The following DST variants were observed in gnomAD, a reference collection of about 807,000 sequenced individuals.
DST encodes the protein bullous pemphigoid antigen.
DST carries 253 observed loss-of-function variants against 875.2 expected under a neutral mutation model. The ratio of observed to expected loss-of-function variants is 0.29; its 90% CI spans 0.26 to 0.32. The LOEUF (loss-of-function observed/expected upper bound fraction) is 0.32, where lower values mean the gene tolerates loss of function less well. Ranked by LOEUF, DST falls within the 10% of genes least tolerant of loss-of-function variation. The pLI is 1.00. For synonymous variants in DST, 3,124 were observed against 3,197.1 expected, an observed-to-expected ratio of 0.98 and a Z score of 0.77; for missense variants, 8,287 against 9,111.6, an observed-to-expected ratio of 0.91 and a Z score of 3.68.
chr6:56,944,822 A>G (rs1357371341), intron 2 of DST, among the ~76,000 whole-genome samples: 1 of 152,246 alleles, frequency 6.6e-6, no homozygotes, highest in African/African-American at 2.4e-5. Flanking sequence ...AGCCTCCTTT[A>G]TAGTGACAGA....
intron 36 of DST, chr6:56,619,205 C>G (rs1310203463): frequency 6.2e-7 from 1 of 1,613,920 alleles, no homozygotes; most frequent in African/African-American, 1.3e-5. Flanking sequence ...TGCTTCACAT[C>G]TTTGCTGGAT....
At chr6:56,676,191 C>T (rs528948670) in intron 9 of DST, among the ~76,000 whole-genome samples, 8 of 152,264 alleles carry the variant, frequency 5.3e-5, no homozygotes, top group Middle Eastern at 3.4e-3. Context: ...CTTAGCCTCC[C>T]GAGTAACTGG....
intron 2 of DST, among the ~76,000 whole-genome samples, chr6:56,910,633 T>A (rs1798449721): frequency 6.6e-6 from 1 of 152,088 alleles, no homozygotes; most frequent in South Asian, 2.1e-4. Flanking sequence ...TACAGGCATA[T>A]ACCACCACAC....
In DST at chr6:56,604,305, C is replaced by T; in HGVS notation, c.10323G>A (p.Lys3441=). The T allele has an allele frequency of 6.2e-7, 1 of 1,612,364 alleles. No individual in the cohort carries two copies. Among genetic ancestry groups the T allele is most frequent in the Non-Finnish European group, 8.5e-7 (1 of 1,179,060 alleles). The change falls in exon 40 of 104, where the codon AAG becomes AAA. Residue 3441 remains lysine (K), a synonymous_variant. Transcript: ENST00000680361. ...RDDPFCIGNL[K]SELLLNILKQ... Reference sequence around the variant, plus strand: ...TCAATATATTAAGGAGAAGCTCAGACTTAAGATTTCCAATACAGAAAGGAT... The same window carrying T: ...TCAATATATTAAGGAGAAGCTCAGATTTAAGATTTCCAATACAGAAAGGAT...
chr6:56,607,290 G>A lies in DST; in HGVS notation c.7338C>T (p.His2446=), dbSNP rs781657375. 14 of 1,613,304 alleles carry A rather than the reference G, an allele frequency of 8.7e-6. No individual in the cohort carries two copies. Among genetic ancestry groups the A allele is most frequent in the Middle Eastern group, 1.6e-4 (1 of 6,080 alleles). ...SALLSHDKLM[H]SQGSFNDTHT... ...GTGTATCATTAAAACTTCCCTGACT[G>A]TGCATCAATTTATCATGACTTAACA... The change falls in exon 40 of 104, where the codon CAC becomes CAT. Residue 2446 remains histidine, a synonymous_variant. Transcript: ENST00000680361.
intron 9 of DST, among the ~76,000 whole-genome samples, chr6:56,681,190 G>A (rs2099155657): frequency 6.6e-6 from 1 of 152,018 alleles, no homozygotes; most frequent in Non-Finnish European, 1.5e-5. Context: ...CTCAGAGAAT[G>A]GCCCCACCAT....
chr6:56,535,533 G>A (rs573153675), intron 62 of DST, among the ~76,000 whole-genome samples: 2 of 152,090 alleles, frequency 1.3e-5, no homozygotes, highest in Non-Finnish European at 2.9e-5. Flanking sequence ...ACTCAATCTT[G>A]GAGGTTTTTG....
Position 56,611,587 on chromosome 6 carries a change from C to T in DST, c.5068G>A (p.Glu1690Lys), listed in dbSNP as rs764691937. The T allele has an allele frequency of 1.9e-6, 3 of 1,609,774 alleles. No homozygotes were observed. Among genetic ancestry groups the T allele is most frequent in the Non-Finnish European group, 2.5e-6 (3 of 1,176,730 alleles). The change falls in exon 38 of 104, where the codon GAG becomes AAG. Residue 1690 changes from glutamate to lysine, a missense_variant. Coordinates refer to ENST00000680361, the MANE Select transcript of DST (RefSeq NM_001374736.1). ...PPFSKQKISS[E>K]EISTKKEQLS... ...TGTTCCTTCTTGGTTGATATTTCCT[C>T]ACTGGAAATCTGTAAGGTAAAGAAG...
chr6:56,685,760 A>C (rs1336030073), intron 9 of DST, among the ~76,000 whole-genome samples: 1 of 152,154 alleles, frequency 6.6e-6, no homozygotes, highest in Non-Finnish European at 1.5e-5. Flanking sequence ...AAAAAAAATA[A>C]AAATCAAAAT....
chr6:56,491,746 C>CA (rs563271923), intron 85 of DST, among the ~76,000 whole-genome samples: 14 of 152,164 alleles, frequency 9.2e-5, no homozygotes, highest in Non-Finnish European at 1.6e-4. Flanking sequence ...CCAACTCAGA[C>CA]AGAGAATATG....
chr6:56,606,781 G>A lies in DST; in HGVS notation c.7847C>T (p.Pro2616Leu). The A allele has an allele frequency of 6.2e-7, 1 of 1,613,182 alleles. No individual in the cohort carries two copies. The highest frequency in any genetic ancestry group is 1.3e-5 in the African/African-American group (1 of 74,972). ...TDSDDDFYDT[P>L]LFEDDDHDSL... ...ATCATGGTCATCATCTTCAAACAAG[G>A]GAGTATCATAAAAATCATCATCACT... Residue 2616 changes from proline (P) to leucine (L), a missense_variant, in exon 40 of 104, where the codon CCC (proline) becomes CTC (leucine). This residue lies in a region of DST where 3,138 missense variants were observed against 3,116.6 expected (regional missense o/e 1.01). Transcript: ENST00000680361.
chr6:56,819,779 T>C (rs62411399), intron 4 of DST, among the ~76,000 whole-genome samples: 17 of 152,216 alleles, frequency 1.1e-4, no homozygotes, highest in Non-Finnish European at 1.8e-4. Context: ...ACACTGTCCT[T>C]GCCTTCAATG....
intron 2 of DST, among the ~76,000 whole-genome samples, chr6:56,924,513 G>T (rs1599281): frequency 0.19 from 29,328 of 152,024 alleles, 3,018 homozygotes; most frequent in Middle Eastern, 0.25. Context: ...CTGAGGACAG[G>T]TTTAATATGC....
Position 56,605,422 on chromosome 6 carries a change from T to C in DST, c.9206A>G (p.Glu3069Gly). 6.2e-7 allele frequency: 1 copy of C among 1,612,924 alleles called. No homozygotes were observed. The highest frequency in any genetic ancestry group is 1.1e-5 in the South Asian group (1 of 91,042). The change falls in exon 40 of 104, where the codon GAA becomes GGA. Residue 3069 changes from glutamate to glycine, a missense_variant. Transcript: ENST00000680361. ...AGGCAAAAGTTTGAGATGCCTATTT[T>C]CTTCTTCTACTAGACCTTCTACAAG... Reference protein sequence around the residue: ...EVLVEGLVEEENRHLKLLPGK... With the variant: ...EVLVEGLVEEGNRHLKLLPGK...
intron 4 of DST, among the ~76,000 whole-genome samples, chr6:56,806,967 A>T (rs1460792478): frequency 6.6e-6 from 1 of 152,214 alleles, no homozygotes. Context: ...ACCTATAAAG[A>T]TGGCTGAGAG....
chr6:56,670,750 G>A lies in DST; in HGVS notation c.1105C>T (p.Leu369=). The part of the protein sequence containing the change: ...SEDMSAKERL[L]LWTQQATEGY... ...TCTGTTGCCTGCTGCGTCCAGAGTA[G>A]CAATCTCTCTTTTGCAGACATATCC... The change falls in exon 10 of 104, where the codon CTA becomes TTA. Residue 369 remains leucine (L), a synonymous_variant. Transcript: ENST00000680361. 1.9e-6 allele frequency: 3 copies of A among 1,609,946 alleles called. No individual in the cohort carries two copies. The highest frequency in any genetic ancestry group is 2.5e-6 in the Non-Finnish European group (3 of 1,177,908).
At chr6:56,936,699 C>G (rs547481511) in intron 2 of DST, among the ~76,000 whole-genome samples, 3 of 152,042 alleles carry the variant, frequency 2.0e-5, no homozygotes, top group Non-Finnish European at 4.4e-5. Flanking sequence ...ATAACAAAAG[C>G]CCCAACTTTT....
rs756726647 is a variant in DST at position 56,646,004 on chromosome 6, C to CA, written c.1651-12dup. The CA allele has an allele frequency of 6.2e-7, 1 of 1,605,072 alleles. No individual in the cohort carries two copies. On this transcript the variant is annotated splice_polypyrimidine_tract_variant and intron_variant, in intron 14 of 103. Transcript: ENST00000680361. Reference sequence around the variant, plus strand: ...AAATTCTATCCAAATCTTGAGAAAACAAAAAACTTTAATGTGAAGCAAAAA... The same window carrying CA: ...AAATTCTATCCAAATCTTGAGAAAACAAAAAAACTTTAATGTGAAGCAAAAA...
intron 2 of DST, among the ~76,000 whole-genome samples, chr6:56,927,788 G>C (rs532568224): frequency 6.6e-6 from 1 of 152,306 alleles, no homozygotes; most frequent in South Asian, 2.1e-4. Flanking sequence ...AAGCACATTA[G>C]ATATTTCAAC....
Sources: gnomAD v4.1 joint callset for allele counts (sites outside exome capture counted in the v4.1 genomes callset) on GRCh38, gnomAD v4.1.1 for gene constraint, gnomAD v4.1.1 regional missense constraint, MANE v1.5 for transcripts, NCBI Gene and HGNC (gene_info 2026-07-23, HGNC 2026-07-21) for gene names.